The following PTPRD variants were observed in gnomAD, a reference collection of about 807,000 sequenced individuals.
PTPRD encodes the protein receptor-type tyrosine-protein phosphatase delta.
In PTPRD, 34 loss-of-function variants were observed where a neutral mutation model predicts 214.5. The observed-to-expected ratio is 0.16, with a 90% CI of 0.12 to 0.21. The LOEUF (loss-of-function observed/expected upper bound fraction) is 0.21. Ranked by LOEUF, PTPRD falls within the 10% of genes least tolerant of loss-of-function variation. The pLI, the probability that PTPRD is intolerant of heterozygous loss-of-function variation, is 1.00. For missense variants in PTPRD, 2,545 were observed against 2,398.7 expected (o/e 1.06, Z -1.27); for synonymous variants, 1,128 against 845.7 (o/e 1.33, Z -5.79).
At chr9:9,935,925 A>AC (rs1566502255) in intron 5 of PTPRD, among the ~76,000 whole-genome samples, 2 of 150,992 alleles carry the variant, frequency 1.3e-5, no homozygotes, top group East Asian at 3.9e-4. Flanking sequence ...ATAATGCTGC[A>AC]TATCTACAAC....
At chr9:8,321,101 G>T (rs1242265470) in intron 44 of PTPRD, among the ~76,000 whole-genome samples, 2 of 152,066 alleles carry the variant, frequency 1.3e-5, no homozygotes, top group African/African-American at 4.8e-5. Context: ...AGTGATTGAA[G>T]ATGTCTAGCG....
At chr9:9,931,484 G>A (rs573875487) in intron 5 of PTPRD, among the ~76,000 whole-genome samples, 135 of 152,266 alleles carry the variant, frequency 8.9e-4, no homozygotes, top group South Asian at 1.7e-3. Flanking sequence ...CTGGAAAATC[G>A]GGTCGCTCCC....
Position 9,197,476 on chromosome 9 carries a change from T to C in PTPRD, c.-202-14113A>G, listed in dbSNP as rs184942956. The stretch of plus-strand genomic sequence containing the variant: ...CCCAGACTGGAATGCAATAGCGCAA[T>C]CTTTGCTCACTGCAATATCTGCCTC... On this transcript the variant is annotated intron_variant, in intron 9 of 45. Transcript: ENST00000381196. Among the ~76,000 whole-genome samples, 7 of 137,022 alleles carry C rather than the reference T, an allele frequency of 5.1e-5. No homozygotes were observed. The East Asian group carries it at 1.6e-3, about 30-fold the overall frequency. The allele number at this position is 137,022 out of a possible 152,430, so 89.9% of individuals were successfully genotyped here.
chr9:9,160,145 A>C (rs2099885244), intron 10 of PTPRD, among the ~76,000 whole-genome samples: 1 of 152,196 alleles, frequency 6.6e-6, no homozygotes, highest in Admixed American at 6.5e-5. Context: ...TATTTTGTGG[A>C]TATTATTCCT....
intron 11 of PTPRD, among the ~76,000 whole-genome samples, chr9:8,828,010 G>A (rs571733584): frequency 6.6e-6 from 1 of 152,208 alleles, no homozygotes; most frequent in South Asian, 2.1e-4. Context: ...GTTGGGCACT[G>A]TTTAATCTGT....
At chr9:10,330,727 G>C (rs10959050) in intron 3 of PTPRD, among the ~76,000 whole-genome samples, 52,629 of 151,586 alleles carry the variant, frequency 0.35, 10,257 homozygotes, top group African/African-American at 0.53. Flanking sequence ...TGGATGTAGG[G>C]TGTTAGGCTC....
intron 4 of PTPRD, among the ~76,000 whole-genome samples, chr9:9,961,039 A>C (rs1206339741): frequency 6.6e-6 from 1 of 152,152 alleles, no homozygotes; most frequent in Non-Finnish European, 1.5e-5. Context: ...ACATTTATGC[A>C]GCCAACAGAC....
intron 10 of PTPRD, among the ~76,000 whole-genome samples, chr9:9,177,139 G>C (rs562733915): frequency 6.6e-6 from 1 of 152,222 alleles, no homozygotes; most frequent in African/African-American, 2.4e-5. Flanking sequence ...AATCATGGTG[G>C]AAGGTGAAGG....
chr9:10,118,545 G>A (rs954945728), intron 3 of PTPRD, among the ~76,000 whole-genome samples: 1 of 151,634 alleles, frequency 6.6e-6, no homozygotes, highest in Non-Finnish European at 1.5e-5. Context: ...TATCAGAAGT[G>A]ATACATGTAA....
intron 9 of PTPRD, among the ~76,000 whole-genome samples, chr9:9,377,146 C>G (rs2061005480): frequency 6.6e-6 from 1 of 151,714 alleles, no homozygotes. Context: ...ATAAAAACAT[C>G]CAGTTATAAG....
chr9:8,445,913 C>A (rs1247161831), intron 34 of PTPRD, among the ~76,000 whole-genome samples: 4 of 152,114 alleles, frequency 2.6e-5, no homozygotes, highest in Non-Finnish European at 5.9e-5. Context: ...CTGCCAGCAC[C>A]ATCAGTGACT....
chr9:10,327,704 T>A (rs1010102466), intron 3 of PTPRD, among the ~76,000 whole-genome samples: 26 of 151,880 alleles, frequency 1.7e-4, no homozygotes, highest in Middle Eastern at 3.4e-3. Context: ...TGAAACTATT[T>A]TTTTTCCACT....
chr9:9,223,975 C>G (rs1361665014), intron 9 of PTPRD, among the ~76,000 whole-genome samples: 1 of 151,922 alleles, frequency 6.6e-6, no homozygotes, highest in Admixed American at 6.6e-5. Flanking sequence ...GGATATAGAA[C>G]TAAGTATTGA....
rs1272978143 is a variant in PTPRD at position 8,929,780 on chromosome 9, G to GTATATATATGTGTGTATATATAT, written c.-104+88916_-104+88917insATATATATACACACATATATATA. 2.1e-4 allele frequency among the ~76,000 whole-genome samples: 17 copies of GTATATATATGTGTGTATATATAT among 82,444 alleles called. 3 individuals carry two copies. In the East Asian group the frequency reaches 4.6e-3, roughly 22 times the overall value. The allele number at this position is 82,444 out of a possible 152,430, so 54.1% of individuals were successfully genotyped here. ...ATGTATATATATGTGTATATATATGGGTGTGTATATATGTGTGTGTATATA... is the reference window on the plus strand; with the variant it reads ...ATGTATATATATGTGTATATATATGGTATATATATGTGTGTATATATATGTGTGTATATATGTGTGTGTATATA... On this transcript the variant is annotated intron_variant, in intron 11 of 45. Transcript: ENST00000381196.
At chr9:10,007,821 C>A (rs1467529717) in intron 4 of PTPRD, among the ~76,000 whole-genome samples, 1 of 151,894 alleles carries the variant, frequency 6.6e-6, no homozygotes, top group African/African-American at 2.4e-5. Context: ...TTATCTGTTA[C>A]AATTGATGCA....
intron 5 of PTPRD, among the ~76,000 whole-genome samples, chr9:9,903,242 C>A (rs1025899965): frequency 2.0e-5 from 3 of 151,766 alleles, no homozygotes; most frequent in African/African-American, 7.3e-5. Context: ...TATTTTCTTC[C>A]CTAATAGTTT....
intron 5 of PTPRD, among the ~76,000 whole-genome samples, chr9:9,796,031 A>G (rs949670998): frequency 1.3e-5 from 2 of 152,320 alleles, no homozygotes; most frequent in South Asian, 4.1e-4. Flanking sequence ...TAAGAAAAAG[A>G]TTCTTCTAAA....
intron 5 of PTPRD, among the ~76,000 whole-genome samples, chr9:9,913,768 A>T (rs1350528758): frequency 6.6e-6 from 1 of 152,106 alleles, no homozygotes; most frequent in Non-Finnish European, 1.5e-5. Context: ...CAGTTTAGAG[A>T]ATTGCTGGGA....
intron 3 of PTPRD, among the ~76,000 whole-genome samples, chr9:10,063,863 G>T (rs1218102648): frequency 6.6e-6 from 1 of 151,934 alleles, no homozygotes; most frequent in East Asian, 1.9e-4. Flanking sequence ...CAACACCTCA[G>T]AATCTCTAGC....
Sources: allele counts gnomAD v4.1 joint callset (sites outside exome capture counted in the v4.1 genomes callset), GRCh38; gene constraint gnomAD v4.1.1; transcripts MANE v1.5; gene names NCBI Gene and HGNC (gene_info 2026-07-23, HGNC 2026-07-21).